Variants in TCHP observed in about 807,000 individuals in gnomAD.
The protein encoded by TCHP is trichoplein keratin filament-binding protein.
In TCHP, 81 loss-of-function variants were observed where a neutral mutation model predicts 88.7. The ratio of observed to expected loss-of-function variants is 0.91; its 90% CI spans 0.76 to 1.10. The LOEUF is 1.10. TCHP is among the 50% of genes least tolerant of loss of function. TCHP has a pLI of 0.00. For missense variants in TCHP, 641 were observed against 632.1 expected (o/e 1.01, Z -0.15); for synonymous variants, 232 against 232.5 (o/e 1.00, Z 0.02).
Position 109,911,075 on chromosome 12 carries a change from C to A in TCHP, c.892C>A (p.Arg298=), listed in dbSNP as rs935481789. The A allele has an allele frequency of 1.3e-6, 2 of 1,581,652 alleles. No individual in the cohort carries two copies. The highest frequency in any genetic ancestry group is 1.3e-5 in the African/African-American group (1 of 74,226). Residue 298 remains arginine (R), a synonymous_variant, in exon 9 of 13, where the codon CGG becomes AGG. Transcript: ENST00000405876. ...CTGCTTCCTCTAGGAGGCAGACAGG[C>A]GGATCCTGCAGGCCCTCCTCGAGAA... ...QIQEELEADR[R]ILQALLEKED... is the part of the protein sequence containing the mutation.
upstream of TCHP, among the ~76,000 whole-genome samples, chr12:109,897,162 G>A (rs927018360): frequency 1.3e-5 from 2 of 152,290 alleles, no homozygotes; most frequent in Admixed American, 1.3e-4. Flanking sequence ...ATTCTAACAT[G>A]GGGGCAATAA....
chr12:109,909,380 C>G (rs1015673573), intron 8 of TCHP, among the ~76,000 whole-genome samples: 14 of 152,224 alleles, frequency 9.2e-5, no homozygotes, highest in African/African-American at 3.4e-4. Context: ...CACCTGCAAT[C>G]TCTGTCTATC....
chr12:109,914,810 C>T (rs1195239260), intron 11 of TCHP, 183 bp downstream of exon 11: 1 of 566,076 alleles, frequency 1.8e-6, no homozygotes, highest in Admixed American at 3.1e-5. Context: ...CCCTCCACAT[C>T]CTCCATGTCG....
chr12:109,914,478 A>T lies in TCHP; in HGVS notation c.1171A>T (p.Ile391Phe). Reference sequence around the variant, plus strand: ...GAGACAACAGCAAATACAAGAGAAGATTGAGCAGAACCGACGGGCACAAGA... The same window carrying T: ...GAGACAACAGCAAATACAAGAGAAGTTTGAGCAGAACCGACGGGCACAAGA... ...TGRQQQIQEK[I>F]EQNRRAQEES... is the part of the protein sequence containing the mutation. Residue 391 changes from isoleucine to phenylalanine, a missense_variant, in exon 11 of 13, where the codon ATT becomes TTT. Transcript: ENST00000405876. The T allele has an allele frequency of 6.2e-7, 1 of 1,614,016 alleles. No homozygotes were observed. Among genetic ancestry groups the T allele is most frequent in the Non-Finnish European group, 8.5e-7 (1 of 1,179,936 alleles).
chr12:109,887,964 G>C, the TCHP span: 3 of 152,250 alleles, frequency 2.0e-5, no homozygotes, highest in African/African-American at 7.2e-5. Flanking sequence ...TGTTAAGACA[G>C]GGTCTCACTA....
chr12:109,907,151 G>A (rs1281451601), intron 5 of TCHP, among the ~76,000 whole-genome samples: 1 of 152,256 alleles, frequency 6.6e-6, no homozygotes, highest in Non-Finnish European at 1.5e-5. Flanking sequence ...GCCTCCCAAA[G>A]TGCTGGGATT....
the TCHP span, among the ~76,000 whole-genome samples, chr12:109,881,482 T>C: frequency 2.0e-5 from 3 of 152,238 alleles, no homozygotes; most frequent in Non-Finnish European, 2.9e-5. Flanking sequence ...AAGTAACCAA[T>C]GGGAAACCTC....
At chr12:109,894,218 G>A in the TCHP span, among the ~76,000 whole-genome samples, 5 of 151,460 alleles carry the variant, frequency 3.3e-5, no homozygotes, top group Admixed American at 6.6e-5. Flanking sequence ...CAGCACTTTG[G>A]GAGGCCGAGG....
At chr12:109,911,910 C>T (rs2136079691) in intron 9 of TCHP, among the ~76,000 whole-genome samples, 1 of 152,170 alleles carries the variant, frequency 6.6e-6, no homozygotes, top group Non-Finnish European at 1.5e-5. Context: ...AATTCTCTGC[C>T]TCAGCCTCCC....
the TCHP span, among the ~76,000 whole-genome samples, chr12:109,885,423 T>C: frequency 1.3e-5 from 2 of 152,148 alleles, no homozygotes; most frequent in Non-Finnish European, 2.9e-5. Flanking sequence ...CTTCTCATTG[T>C]ATCATAACAG....
intron 1 of TCHP, among the ~76,000 whole-genome samples, chr12:109,901,401 T>C (rs993986168): frequency 6.6e-6 from 1 of 152,214 alleles, no homozygotes; most frequent in Non-Finnish European, 1.5e-5. Flanking sequence ...TCTCCCTTAG[T>C]TGAGAAAGCC....
the TCHP span, among the ~76,000 whole-genome samples, chr12:109,889,867 T>C: frequency 1.3e-5 from 2 of 152,208 alleles, no homozygotes; most frequent in Non-Finnish European, 2.9e-5. Flanking sequence ...ATGGGCTTTG[T>C]TGAGCCAACT....
chr12:109,883,082 AGGCTAGAGT>A, the TCHP span, among the ~76,000 whole-genome samples: 6 of 150,720 alleles, frequency 4.0e-5, no homozygotes, highest in African/African-American at 1.5e-4. Context: ...TCTGTAGCCA[AGGCTAGAGT>A]GGTGTGATCA....
At chr12:109,884,030 C>G in the TCHP span, among the ~76,000 whole-genome samples, 1 of 152,012 alleles carries the variant, frequency 6.6e-6, no homozygotes, top group Non-Finnish European at 1.5e-5. Context: ...CATAGCCCAT[C>G]AAAAGGGCAC....
In TCHP at chr12:109,904,793, G is replaced by A. The variant is rs74416240; in HGVS notation, c.456G>A (p.Glu152=). 3.1e-3 allele frequency: 5,047 copies of A among 1,612,614 alleles called. 276 individuals carry two copies. In the East Asian group the frequency reaches 0.11, roughly 34 times the overall value. The change falls in exon 4 of 13, where the codon GAG becomes GAA. Residue 152 remains glutamate (E), a splice_region_variant and synonymous_variant. Transcript: ENST00000405876. ...AAAAGAACAACCCGAAACTTCGAGA[G>A]GTGAAAATCAGAGATCTCCATTGAT... ...HWKKNNPKLR[E]MELDLHQKHV...
chr12:109,912,932 AGCTCGCTT>A (rs1870589255), intron 9 of TCHP, 51 bp from the exon 10 acceptor site: 2 of 1,471,192 alleles, frequency 1.4e-6, no homozygotes, highest in Non-Finnish European at 1.9e-6. Flanking sequence ...TCTGTTCCGT[AGCTCGCTT>A]CCTGCCAGGG....
chr12:109,910,499 C>T (rs1870424569), intron 8 of TCHP, among the ~76,000 whole-genome samples: 1 of 152,160 alleles, frequency 6.6e-6, no homozygotes, highest in Non-Finnish European at 1.5e-5. Context: ...GGTCTTGCTA[C>T]ATTGCCCAGG....
At chr12:109,887,051 CTCAGTT>C in the TCHP span, among the ~76,000 whole-genome samples, 168 of 152,296 alleles carry the variant, frequency 1.1e-3, no homozygotes, top group African/African-American at 3.9e-3. Context: ...CCTAGATTCA[CTCAGTT>C]TTATATGCAC....
chr12:109,887,301 A>G, the TCHP span, among the ~76,000 whole-genome samples: 2 of 151,758 alleles, frequency 1.3e-5, no homozygotes, highest in Non-Finnish European at 1.5e-5. Flanking sequence ...GCAAGCCTGT[A>G]ATCCCAGCTA....
Sources: gnomAD v4.1 joint callset for allele counts (sites outside exome capture counted in the v4.1 genomes callset) on GRCh38, gnomAD v4.1.1 for gene constraint, MANE v1.5 for transcripts, NCBI Gene and HGNC (gene_info 2026-07-23, HGNC 2026-07-21) for gene names.